The following UGT2B7 variants were observed in gnomAD, a reference collection of about 807,000 sequenced individuals.
UGT2B7 encodes UDP glucuronosyltransferase family 2 member B7.
Under a neutral mutation model 51.9 loss-of-function variants are expected in UGT2B7, and 51 were observed. That is an observed-to-expected ratio of 0.98 (90% CI 0.78 to 1.24). The LOEUF is 1.24. Ranked by LOEUF, UGT2B7 falls within the 50% of genes most tolerant of loss-of-function variation. The pLI is 0.00. For synonymous variants in UGT2B7, 225 were observed against 211.6 expected, an observed-to-expected ratio of 1.06 and a Z score of -0.55; for missense variants, 727 against 628.4, an observed-to-expected ratio of 1.16 and a Z score of -1.68.
intron 3 of UGT2B7, among the ~76,000 whole-genome samples, chr4:69,106,794 C>G (rs1361680587): frequency 1.3e-5 from 2 of 151,292 alleles, no homozygotes; most frequent in Non-Finnish European, 2.9e-5. Flanking sequence ...GCCATTCTGA[C>G]TGGTGTGAGA....
At chr4:69,069,805 C>A (rs58655780) in intron 1 of UGT2B7, 25,865 of 152,186 alleles carry the variant, frequency 0.17, 2,340 homozygotes, top group East Asian at 0.39. Context: ...TGCTGGACTG[C>A]ATGGCAATTG....
At position 69,102,811 on chromosome 4, in the gene UGT2B7, T is replaced by C. The variant is rs1719461685; in HGVS notation, c.875T>C (p.Met292Thr). ...CKPAKPLPKEMEDFVQSSGEN... is the reference protein window; with the variant it reads ...CKPAKPLPKETEDFVQSSGEN... ...AAGCAAATTCTTTCTTCACAGGAAA[T>C]GGAAGACTTTGTACAGAGCTCTGGA... The change falls in exon 3 of 6, where the codon ATG becomes ACG. Residue 292 changes from methionine (M) to threonine (T), a missense_variant. Coordinates refer to ENST00000305231, the MANE Select transcript of UGT2B7 (RefSeq NM_001074.4). 1.9e-6 allele frequency: 3 copies of C among 1,612,246 alleles called. No individual in the cohort carries two copies. Among genetic ancestry groups the C allele is most frequent in the Non-Finnish European group, 8.5e-7 (1 of 1,179,296 alleles).
chr4:69,065,881 A>G (rs1718473141), intron 1 of UGT2B7, among the ~76,000 whole-genome samples: 1 of 152,176 alleles, frequency 6.6e-6, no homozygotes, highest in South Asian at 2.1e-4. Flanking sequence ...TACTAGAATT[A>G]TGTCTGCCTA....
chr4:69,067,127 T>C (rs764910672), intron 1 of UGT2B7, among the ~76,000 whole-genome samples: 1 of 152,130 alleles, frequency 6.6e-6, no homozygotes, highest in Non-Finnish European at 1.5e-5. Flanking sequence ...ACTATCTTTA[T>C]CCACAGTGTT....
intron 1 of UGT2B7, among the ~76,000 whole-genome samples, chr4:69,053,412 G>A (rs1718092142): frequency 6.6e-6 from 1 of 152,172 alleles, no homozygotes; most frequent in Admixed American, 6.5e-5. Flanking sequence ...GCAAATGCCT[G>A]GTTGAAATAG....
At chr4:69,064,072 G>GAAAGAAAGAAAGA (rs1560499658) in intron 1 of UGT2B7, among the ~76,000 whole-genome samples, 2 of 104,824 alleles carry the variant, frequency 1.9e-5, no homozygotes, top group East Asian at 6.0e-4. Context: ...AAGAAAGAAA[G>GAAAGAAAGAAAGA]AAAGAAAGAA....
chr4:69,076,864 A>C (rs1417119620), intron 1 of UGT2B7, among the ~76,000 whole-genome samples: 1 of 152,170 alleles, frequency 6.6e-6, no homozygotes, highest in African/African-American at 2.4e-5. Context: ...GCCCATGCCT[A>C]TGTCCTAAAT....
chr4:69,072,802 A>G (rs1718628352), intron 1 of UGT2B7, among the ~76,000 whole-genome samples: 1 of 152,186 alleles, frequency 6.6e-6, no homozygotes, highest in African/African-American at 2.4e-5. Context: ...ATTCAGTATC[A>G]TAAAGTTATA....
intron 1 of UGT2B7, among the ~76,000 whole-genome samples, chr4:69,082,903 A>G (rs62296936): frequency 0.58 from 87,201 of 151,458 alleles, 26,068 homozygotes; most frequent in African/African-American, 0.71. Flanking sequence ...GCATTAAAAG[A>G]CAGGCTGACT....
chr4:69,107,304 C>T (rs758119303), intron 4 of UGT2B7, 42 bp downstream of exon 4: 1 of 1,539,534 alleles, frequency 6.5e-7, no homozygotes, highest in Non-Finnish European at 8.9e-7. Flanking sequence ...TTAGTAACAG[C>T]ACATTAGAGT....
Position 69,108,228 on chromosome 4 carries a change from A to T in UGT2B7, c.1216A>T (p.Met406Leu), listed in dbSNP as rs763316866. The change falls in exon 5 of 6, where the codon ATG (methionine) becomes TTG (leucine). Residue 406 changes from methionine (M) to leucine (L), a missense_variant. Physicochemically the swap from Met to Leu is conservative, Grantham distance 15. Coordinates refer to ENST00000305231, the MANE Select transcript of UGT2B7 (RefSeq NM_001074.4). Reference protein sequence around the residue: ...FADQPDNIAHMKARGAAVRVD... With the variant: ...FADQPDNIAHLKARGAAVRVD... ...CGATCAACCTGATAACATTGCTCAC[A>T]TGAAGGCCAGGGGAGCAGCTGTTAG... 1.2e-6 allele frequency: 2 copies of T among 1,613,704 alleles called. No homozygotes were observed. The highest frequency in any genetic ancestry group is 2.2e-5 in the East Asian group (1 of 44,878).
intron 1 of UGT2B7, among the ~76,000 whole-genome samples, chr4:69,085,367 C>T (rs1262577196): frequency 6.6e-6 from 1 of 151,984 alleles, no homozygotes; most frequent in African/African-American, 2.4e-5. Context: ...GATATTAGCC[C>T]TTTGTCAGAG....
intron 2 of UGT2B7, among the ~76,000 whole-genome samples, chr4:69,100,338 T>C (rs1719382173): frequency 6.7e-6 from 1 of 149,556 alleles, no homozygotes. Flanking sequence ...TTATATTTTT[T>C]ATGAAGGAAC....
At chr4:69,098,389 T>A (rs1719308771) in intron 1 of UGT2B7, 151 bp from the exon 2 acceptor site, 1 of 779,692 alleles carries the variant, frequency 1.3e-6, no homozygotes, top group African/African-American at 1.8e-5. Flanking sequence ...TACATAAAAT[T>A]AAATTATATC....
intron 1 of UGT2B7, among the ~76,000 whole-genome samples, chr4:69,086,891 A>G (rs1479796126): frequency 6.6e-6 from 1 of 151,988 alleles, no homozygotes; most frequent in Non-Finnish European, 1.5e-5. Flanking sequence ...GCAACAATAC[A>G]GTTGAGTTTT....
chr4:69,056,620 T>G (rs1290964927), intron 1 of UGT2B7, among the ~76,000 whole-genome samples: 1 of 152,128 alleles, frequency 6.6e-6, no homozygotes, highest in Non-Finnish European at 1.5e-5. Flanking sequence ...ATAGGAAGAT[T>G]TAAAACTCTT....
chr4:69,103,064 A>G (rs1475428031), intron 3 of UGT2B7, 126 bp downstream of exon 3: 5 of 1,486,656 alleles, frequency 3.4e-6, no homozygotes, highest in Non-Finnish European at 4.5e-6. Context: ...TAGAACAAGG[A>G]TAATCTTGGA....
At chr4:69,100,161 C>T (rs1258646301) in intron 2 of UGT2B7, among the ~76,000 whole-genome samples, 2 of 151,966 alleles carry the variant, frequency 1.3e-5, no homozygotes, top group Admixed American at 1.3e-4. Context: ...TGACAAGCAA[C>T]TTATTAAAGC....
Position 69,108,259 on chromosome 4 carries a change from A to C in UGT2B7, c.1247A>C (p.Asp416Ala). 1 of 1,613,708 alleles carries C rather than the reference A, an allele frequency of 6.2e-7. No individual in the cohort carries two copies. The highest frequency in any genetic ancestry group is 8.5e-7 in the Non-Finnish European group (1 of 1,179,688). Residue 416 changes from aspartate (D) to alanine (A), a missense_variant, in exon 5 of 6, where the codon GAC becomes GCC. Transcript: ENST00000305231. ...MKARGAAVRVDFNTMSSTDLL... is the reference protein window; with the variant it reads ...MKARGAAVRVAFNTMSSTDLL... ...GCCAGGGGAGCAGCTGTTAGAGTGG[A>C]CTTCAACACAATGTCGAGTACAGAC...
Sources: gnomAD v4.1 joint callset for allele counts (sites outside exome capture counted in the v4.1 genomes callset) on GRCh38, gnomAD v4.1.1 for gene constraint, MANE v1.5 for transcripts, NCBI Gene and HGNC (gene_info 2026-07-23, HGNC 2026-07-21) for gene names.